Variants in ADRA1A observed in about 807,000 individuals in gnomAD.
ADRA1A encodes adrenoceptor alpha 1A.
ADRA1A carries 31 observed loss-of-function variants against 29.6 expected under a neutral mutation model. The observed-to-expected ratio is 1.05, with a 90% CI of 0.79 to 1.41. The LOEUF (loss-of-function observed/expected upper bound fraction) is 1.41. Ranked by LOEUF, ADRA1A falls within the 40% of genes most tolerant of loss-of-function variation. ADRA1A has a pLI of 0.00. For synonymous variants in ADRA1A, 311 were observed against 254.3 expected (o/e 1.22, Z -2.12); for missense variants, 619 against 601.1 (o/e 1.03, Z -0.31).
chr8:26,852,233 A>G (rs1812691502), intron 2 of ADRA1A, among the ~76,000 whole-genome samples: 1 of 152,210 alleles, frequency 6.6e-6, no homozygotes, highest in Non-Finnish European at 1.5e-5. Context: ...AACATAAGGG[A>G]AGAAACTAAA....
intron 2 of ADRA1A, among the ~76,000 whole-genome samples, chr8:26,842,650 C>T (rs1439764552): frequency 6.6e-6 from 1 of 152,150 alleles, no homozygotes; most frequent in African/African-American, 2.4e-5. Flanking sequence ...CTTATTCTAA[C>T]ACTGCTCTGC....
downstream of ADRA1A, among the ~76,000 whole-genome samples, chr8:26,753,169 A>G (rs1804996740): frequency 6.6e-6 from 1 of 152,168 alleles, no homozygotes; most frequent in African/African-American, 2.4e-5. Context: ...ACCTCCATCA[A>G]AGAACTCATC....
chr8:26,750,453 C>T (rs142994517), intron 2 of ADRA1A, among the ~76,000 whole-genome samples: 28 of 152,234 alleles, frequency 1.8e-4, no homozygotes, highest in African/African-American at 5.3e-4. Context: ...CCACTGGCCT[C>T]GGCCTCCGAA....
At chr8:26,786,788 C>A (rs1047834583) in intron 2 of ADRA1A, among the ~76,000 whole-genome samples, 1 of 151,638 alleles carries the variant, frequency 6.6e-6, no homozygotes, top group Non-Finnish European at 1.5e-5. Context: ...GCATCCTAAA[C>A]TTTTTCTTCA....
Position 26,787,722 on chromosome 8 carries a change from T to A in ADRA1A, c.884-17056A>T, listed in dbSNP as rs1476078645. On this transcript the variant is annotated intron_variant, in intron 2 of 2. Transcript: ENST00000380573. The surrounding 1 kb of genome is among the most constrained non-coding windows in gnomAD (Gnocchi z 4.2). The stretch of plus-strand genomic sequence containing the variant: ...GAAATCCCGACAGCTCACTTGGTAG[T>A]TCAGGGATGAGGGCAAGATTGTTCC... 6.6e-6 allele frequency among the ~76,000 whole-genome samples: 1 copy of A among 152,060 alleles called. No individual in the cohort carries two copies. Among genetic ancestry groups the A allele is most frequent in the Non-Finnish European group, 1.5e-5 (1 of 68,024 alleles).
Position 26,864,587 on chromosome 8 carries a change from A to T in ADRA1A, c.383T>A (p.Val128Glu), listed in dbSNP as rs1416479497. The T allele has an allele frequency of 1.2e-6, 2 of 1,613,884 alleles. No homozygotes were observed. Among genetic ancestry groups the T allele is most frequent in the South Asian group, 2.2e-5 (2 of 91,072 alleles). Residue 128 changes from valine to glutamate, a missense_variant, in exon 2 of 3, where the codon GTG (valine) becomes GAG (glutamate). Coordinates refer to ENST00000380573, the MANE Select transcript of ADRA1A (RefSeq NM_000680.4). The surrounding 1 kb of genome is among the most constrained non-coding windows in gnomAD (Gnocchi z 8.1). Reference protein sequence around the residue: ...CIISIDRYIGVSYPLRYPTIV... With the variant: ...CIISIDRYIGESYPLRYPTIV... The stretch of plus-strand genomic sequence containing the variant: ...GGTTGGGTAGCGCAGCGGGTAGCTC[A>T]CGCCGATGTAGCGGTCGATGGAGAT...
rs1044760288 is a variant in ADRA1A, at chr8:26,815,654, T to C, written c.884-44988A>G. Among the ~76,000 whole-genome samples the C allele has an allele frequency of 2.0e-5, 3 of 152,120 alleles. No homozygotes were observed. The highest frequency in any genetic ancestry group is 6.5e-5 in the Admixed American group (1 of 15,272). ...TGATCAGTCTCAGCCTGGATACTGT[T>C]TGTGGGAGAGAAAGGTCTCTGTTGA... is the stretch of plus-strand genomic sequence containing the variant. On this transcript the variant is annotated intron_variant, in intron 2 of 2. Coordinates refer to ENST00000380573, the MANE Select transcript of ADRA1A (RefSeq NM_000680.4). The surrounding 1 kb of genome is among the most constrained non-coding windows in gnomAD (Gnocchi z 4.2).
intron 2 of ADRA1A, among the ~76,000 whole-genome samples, chr8:26,749,126 C>G (rs1396021390): frequency 6.6e-6 from 1 of 152,176 alleles, no homozygotes; most frequent in East Asian, 1.9e-4. Context: ...ACACTCATGG[C>G]CCCTAAAAAT....
chr8:26,749,376 A>C (rs1169075604), intron 2 of ADRA1A, among the ~76,000 whole-genome samples: 1 of 152,190 alleles, frequency 6.6e-6, no homozygotes, highest in African/African-American at 2.4e-5. Flanking sequence ...TATTTATGCA[A>C]TCCACATATT....
At chr8:26,798,920 C>G (rs1352455975) in intron 2 of ADRA1A, among the ~76,000 whole-genome samples, 1 of 152,022 alleles carries the variant, frequency 6.6e-6, no homozygotes, top group African/African-American at 2.4e-5. Context: ...TTTCTTTTTT[C>G]TCTCTCTGCC....
chr8:26,773,486 G>A (rs1806325726), intron 2 of ADRA1A, among the ~76,000 whole-genome samples: 1 of 152,132 alleles, frequency 6.6e-6, no homozygotes, highest in Non-Finnish European at 1.5e-5. Flanking sequence ...AGACCTGCCT[G>A]GGCCTGTGCT....
rs139046669 is a variant in ADRA1A at position 26,759,298 on chromosome 8, G to A, written c.1270-2519C>T. ...AGAAGAGGAAGACGGGGCCAGATAA[G>A]CTGCTGGGAATGGAGATGAAAGCAA... On this transcript the variant is annotated intron_variant, in intron 2 of 2. Transcript: ENST00000380582. Among the ~76,000 whole-genome samples the A allele has an allele frequency of 5.1e-3, 775 of 152,282 alleles. 9 individuals are homozygous for A. Among genetic ancestry groups the A allele is most frequent in the African/African-American group, 0.018 (730 of 41,558 alleles).
intron 2 of ADRA1A, among the ~76,000 whole-genome samples, chr8:26,810,100 A>C (rs138367536): frequency 7.4e-4 from 113 of 152,288 alleles, no homozygotes; most frequent in African/African-American, 2.6e-3. Context: ...CAGACACATA[A>C]TTTTTGTTAA....
chr8:26,853,769 C>A (rs886971342), intron 2 of ADRA1A: 6 of 152,098 alleles, frequency 3.9e-5, no homozygotes, highest in African/African-American at 1.2e-4. Flanking sequence ...AACAGACTTA[C>A]ATTGTGGAAG....
rs139585967 is a variant in ADRA1A at position 26,794,176 on chromosome 8, C to T, written c.884-23510G>A. Among the ~76,000 whole-genome samples, 339 of 152,100 alleles carry T rather than the reference C, an allele frequency of 2.2e-3. 1 individual carries two copies. The highest frequency in any genetic ancestry group is 7.8e-3 in the African/African-American group (324 of 41,512). On this transcript the variant is annotated intron_variant, in intron 2 of 2. Transcript: ENST00000380573. ...CATTAGGGAATAATGGAATAATTAA[C>T]AGGAAGGGAACACTTTCATTTCAAG...
At chr8:26,764,082 C>G (rs747244481), downstream of ADRA1A, among the ~76,000 whole-genome samples, 1 of 152,302 alleles carries the variant, frequency 6.6e-6, no homozygotes, top group Middle Eastern at 3.4e-3. Flanking sequence ...GCTGGGGACT[C>G]TCTGTGCCTC....
At position 26,770,335 on chromosome 8, in the gene ADRA1A, A is replaced by C; in HGVS notation, c.1215T>G (p.Arg405=). ...TGGACACTGTAATCCTGGCAGATCCACGGGGCATGGAAGAGAAAAATTTCC... is the reference window on the plus strand; with the variant it reads ...TGGACACTGTAATCCTGGCAGATCCCCGGGGCATGGAAGAGAAAAATTTCC... ...CEWKFFSSMP[R]GSARITVSKD... Residue 405 remains arginine (R), a synonymous_variant, in exon 3 of 3, where the codon CGT becomes CGG. Transcript: ENST00000380573. 1 of 1,614,226 alleles carries C rather than the reference A, an allele frequency of 6.2e-7. No individual in the cohort carries two copies. Among genetic ancestry groups the C allele is most frequent in the Non-Finnish European group, 8.5e-7 (1 of 1,180,040 alleles).
At chr8:26,789,745 A>G (rs1010676304) in intron 2 of ADRA1A, among the ~76,000 whole-genome samples, 3 of 152,190 alleles carry the variant, frequency 2.0e-5, no homozygotes, top group African/African-American at 4.8e-5. Context: ...CAGAATATAA[A>G]CGGAATTTAA....
chr8:26,865,746 G>A lies in ADRA1A; in HGVS notation c.-686-91C>T. On this transcript the variant is annotated intron_variant, in intron 1 of 2. Transcript: ENST00000380573. The surrounding 1 kb of genome is among the most constrained non-coding windows in gnomAD (Gnocchi z 7.6). Reference sequence around the variant, plus strand: ...CTTGACGGGTTGGGGGACACCAGTTGGGAGCCGGGTTGGTTCTGCGGTCCA... The same window carrying A: ...CTTGACGGGTTGGGGGACACCAGTTAGGAGCCGGGTTGGTTCTGCGGTCCA... 1.0e-6 allele frequency: 1 copy of A among 983,366 alleles called. No homozygotes were observed. Among genetic ancestry groups the A allele is most frequent in the Non-Finnish European group, 1.2e-6 (1 of 828,112 alleles). 60.9% of individuals were successfully genotyped at this position (983,366 alleles called of 1,614,324 possible).
Sources: allele counts gnomAD v4.1 joint callset (sites outside exome capture counted in the v4.1 genomes callset), GRCh38; gene constraint gnomAD v4.1.1; non-coding constraint Gnocchi (gnomAD v3.1); transcripts MANE v1.5; gene names NCBI Gene and HGNC (gene_info 2026-07-23, HGNC 2026-07-21).